Variants in UHRF2 observed in about 807,000 individuals in gnomAD.
The protein encoded by UHRF2 is E3 ubiquitin-protein ligase UHRF2.
In UHRF2, 23 loss-of-function variants were observed where a neutral mutation model predicts 96.8. The ratio of observed to expected loss-of-function variants is 0.24; its 90% CI spans 0.17 to 0.34. The LOEUF is 0.34. Ranked by LOEUF, UHRF2 falls within the 10% of genes least tolerant of loss-of-function variation. The probability of loss-of-function intolerance (pLI) is 1.00; values close to 1 mark genes in which losing one functional copy is unlikely to be tolerated. For missense variants in UHRF2, 685 were observed against 981.5 expected, an observed-to-expected ratio of 0.70 and a Z score of 4.04; for synonymous variants, 385 against 332.6, an observed-to-expected ratio of 1.16 and a Z score of -1.72.
chr9:6,445,291 T>C (rs1821419970), intron 3 of UHRF2, among the ~76,000 whole-genome samples: 1 of 152,082 alleles, frequency 6.6e-6, no homozygotes, highest in African/African-American at 2.4e-5. Flanking sequence ...ATTGATGGAG[T>C]CTTGCTCTGT....
intron 2 of UHRF2, chr9:6,422,835 C>T (rs1820011919): frequency 2.5e-6 from 1 of 394,548 alleles, no homozygotes; most frequent in Non-Finnish European, 4.5e-6. Context: ...TGCTTTATTT[C>T]TGGTAGCTTT....
At chr9:6,488,307 A>T (rs1245806117) in intron 9 of UHRF2, among the ~76,000 whole-genome samples, 36 of 107,518 alleles carry the variant, frequency 3.3e-4, no homozygotes, top group Middle Eastern at 6.7e-3. Flanking sequence ...AAAAAAAAAA[A>T]TGCGGGAAGG....
At chr9:6,458,994 A>C (rs746847882) in intron 3 of UHRF2, among the ~76,000 whole-genome samples, 8 of 152,108 alleles carry the variant, frequency 5.3e-5, no homozygotes, top group Non-Finnish European at 1.2e-4. Context: ...ACATGTTCTC[A>C]CTCATAAGTG....
chr9:6,435,121 G>C (rs533629088), intron 3 of UHRF2, among the ~76,000 whole-genome samples: 32 of 152,042 alleles, frequency 2.1e-4, no homozygotes, highest in African/African-American at 7.7e-4. Context: ...AGCCTCCCGA[G>C]TAGCTAGCAT....
chr9:6,494,645 A>T (rs1476801083), intron 10 of UHRF2: 2 of 152,204 alleles, frequency 1.3e-5, no homozygotes, highest in African/African-American at 4.8e-5. Context: ...AGCAAAAATC[A>T]CATTATAGTT....
At chr9:6,485,788 A>ACC (rs754286305) in intron 8 of UHRF2, among the ~76,000 whole-genome samples, 36 of 112,312 alleles carry the variant, frequency 3.2e-4, no homozygotes, top group Non-Finnish European at 5.1e-4. Context: ...ACATGGTGAG[A>ACC]CCCCTGTCTC....
At chr9:6,465,544 T>A (rs1359286676) in intron 4 of UHRF2, among the ~76,000 whole-genome samples, 3 of 152,220 alleles carry the variant, frequency 2.0e-5, no homozygotes, top group African/African-American at 7.2e-5. Context: ...GGAATTTATC[T>A]ATTGCATCTA....
chr9:6,419,856 C>G (rs1487919874), intron 1 of UHRF2, among the ~76,000 whole-genome samples: 1 of 152,084 alleles, frequency 6.6e-6, no homozygotes, highest in Non-Finnish European at 1.5e-5. Flanking sequence ...TCTCCCACCT[C>G]AGCCTCCTGA....
chr9:6,502,633 C>T (rs1051266243), intron 14 of UHRF2, among the ~76,000 whole-genome samples: 3 of 152,170 alleles, frequency 2.0e-5, no homozygotes, highest in Non-Finnish European at 4.4e-5. Flanking sequence ...GTTTACTCTG[C>T]TGTAGGAACG....
At chr9:6,500,011 C>T in intron 13 of UHRF2, 80 bp downstream of exon 13, 1 of 1,163,542 alleles carries the variant, frequency 8.6e-7, no homozygotes, top group Non-Finnish European at 1.2e-6. Context: ...TCACTCTTGT[C>T]ACCCAGGCTG....
At chr9:6,471,542 C>G (rs1823239737) in intron 4 of UHRF2, among the ~76,000 whole-genome samples, 1 of 152,172 alleles carries the variant, frequency 6.6e-6, no homozygotes, top group African/African-American at 2.4e-5. Context: ...CCTCTTGGAT[C>G]ACTCCCTCTG....
chr9:6,468,773 C>A, intron 4 of UHRF2: 1 of 444,668 alleles, frequency 2.2e-6, no homozygotes, highest in Non-Finnish European at 4.6e-6. Context: ...GGTGTAATGG[C>A]TCCACAGAAT....
chr9:6,481,789 C>G (rs1461274968), intron 7 of UHRF2, 23 bp downstream of exon 7: 1 of 1,599,236 alleles, frequency 6.3e-7, no homozygotes, highest in Non-Finnish European at 8.5e-7. Flanking sequence ...TTCCCCTTTT[C>G]TTCCTAATAG....
At chr9:6,490,902 A>G (rs1386141905) in intron 9 of UHRF2, among the ~76,000 whole-genome samples, 2 of 152,228 alleles carry the variant, frequency 1.3e-5, no homozygotes, top group Non-Finnish European at 1.5e-5. Flanking sequence ...GTAGGCAAGT[A>G]TATCTATAGG....
intron 1 of UHRF2, among the ~76,000 whole-genome samples, chr9:6,416,156 C>T (rs1405472639): frequency 2.6e-5 from 4 of 152,058 alleles, no homozygotes; most frequent in Admixed American, 6.6e-5. Context: ...CTCTGCCTCC[C>T]GGGTTCAAGC....
chr9:6,454,733 G>A (rs1822077068), intron 3 of UHRF2, among the ~76,000 whole-genome samples: 1 of 152,190 alleles, frequency 6.6e-6, no homozygotes, highest in Admixed American at 6.5e-5. Context: ...GCCACTCTTA[G>A]TTGGGTAACG....
chr9:6,434,371 G>T, intron 3 of UHRF2, 198 bp downstream of exon 3: 2 of 578,326 alleles, frequency 3.5e-6, no homozygotes, highest in South Asian at 2.8e-5. Flanking sequence ...TTCTTAAGTG[G>T]TTTATTTTTT....
At chr9:6,436,189 C>G (rs995784236) in intron 3 of UHRF2, among the ~76,000 whole-genome samples, 1 of 152,176 alleles carries the variant, frequency 6.6e-6, no homozygotes, top group African/African-American at 2.4e-5. Context: ...AACAGTATAA[C>G]AACACTTCAG....
In UHRF2 at chr9:6,506,457, A is replaced by G. The variant is rs779763449; in HGVS notation, c.*278A>G. Reference sequence around the variant, plus strand: ...TATCCAAGTTATGATTTATTTTGCAACTACCTCAGGACAGAAAAGATTTAT... The same window carrying G: ...TATCCAAGTTATGATTTATTTTGCAGCTACCTCAGGACAGAAAAGATTTAT... On this transcript the variant is annotated 3_prime_UTR_variant, in exon 16 of 16. Coordinates refer to ENST00000276893, the MANE Select transcript of UHRF2 (RefSeq NM_152896.3). The G allele has an allele frequency of 1.2e-5, 3 of 254,626 alleles. No homozygotes were observed. The highest frequency in any genetic ancestry group is 2.2e-5 in the Non-Finnish European group (3 of 135,882). 15.8% of individuals were successfully genotyped at this position (254,626 alleles called of 1,614,324 possible).
Sources: gnomAD v4.1 joint callset for allele counts (sites outside exome capture counted in the v4.1 genomes callset) on GRCh38, gnomAD v4.1.1 for gene constraint, MANE v1.5 for transcripts, NCBI Gene and HGNC (gene_info 2026-07-23, HGNC 2026-07-21) for gene names.